Variants in PTN observed in about 807,000 individuals in gnomAD.
PTN encodes the protein heparin affin regulatory protein.
A neutral mutation model predicts 24.1 loss-of-function variants in PTN; 18 were observed. The observed-to-expected ratio is 0.75, with a 90% CI of 0.52 to 1.11. The LOEUF is 1.11. PTN is among the 50% of genes least tolerant of loss of function. PTN has a pLI of 0.00. For missense variants in PTN, 163 were observed against 198.8 expected (o/e 0.82, Z 1.08); for synonymous variants, 78 against 68.6 (o/e 1.14, Z -0.67).
At chr7:137,233,936 A>G (rs993665529) in intron 4 of PTN, among the ~76,000 whole-genome samples, 2 of 149,874 alleles carry the variant, frequency 1.3e-5, no homozygotes, top group African/African-American at 5.0e-5. Flanking sequence ...ATGTATACAT[A>G]TATATGTATA....
At chr7:137,239,565 A>G (rs974565013) in intron 4 of PTN, among the ~76,000 whole-genome samples, 2 of 150,320 alleles carry the variant, frequency 1.3e-5, no homozygotes, top group Non-Finnish European at 3.0e-5. Context: ...CCCACCCCAC[A>G]ACAGTCCCCA....
intron 1 of PTN, among the ~76,000 whole-genome samples, chr7:137,308,701 G>C (rs1809928908): frequency 6.6e-6 from 1 of 152,034 alleles, no homozygotes; most frequent in Non-Finnish European, 1.5e-5. Context: ...AGATGCTCCT[G>C]ATCCAGTCTT....
intron 1 of PTN, among the ~76,000 whole-genome samples, chr7:137,325,204 T>C (rs930497644): frequency 1.3e-5 from 2 of 152,226 alleles, no homozygotes; most frequent in African/African-American, 4.8e-5. Context: ...TCTTGTCTGA[T>C]CTCTGTCCCC....
intron 1 of PTN, among the ~76,000 whole-genome samples, chr7:137,271,748 G>T (rs556911338): frequency 6.6e-6 from 1 of 152,272 alleles, no homozygotes; most frequent in South Asian, 2.1e-4. Context: ...CGTGGTATAG[G>T]GGAGCAAATA....
intron 1 of PTN, among the ~76,000 whole-genome samples, chr7:137,268,410 C>T (rs2128873996): frequency 6.6e-6 from 1 of 152,084 alleles, no homozygotes; most frequent in Non-Finnish European, 1.5e-5. Flanking sequence ...TGGCTTTAAT[C>T]AGCTGGGAGC....
At chr7:137,296,021 G>A (rs1476532797) in intron 1 of PTN, among the ~76,000 whole-genome samples, 4 of 151,994 alleles carry the variant, frequency 2.6e-5, no homozygotes, top group Admixed American at 6.6e-5. Flanking sequence ...ATGATGCCAC[G>A]GAGAGACAGT....
intron 1 of PTN, chr7:137,324,633 A>C (rs1473041448): frequency 2.6e-5 from 4 of 151,588 alleles, no homozygotes; most frequent in Non-Finnish European, 5.9e-5. Flanking sequence ...AAATAACAAA[A>C]CGCCAACTTT....
At chr7:137,271,318 T>G (rs1374108309) in intron 1 of PTN, among the ~76,000 whole-genome samples, 1 of 152,246 alleles carries the variant, frequency 6.6e-6, no homozygotes, top group Non-Finnish European at 1.5e-5. Context: ...TCTTTTCCCA[T>G]GTGTTCTGAC....
At chr7:137,324,433 A>AAAAAAAAAAAAATATAT in intron 1 of PTN, among the ~76,000 whole-genome samples, 7 of 88,762 alleles carry the variant, frequency 7.9e-5, no homozygotes, top group African/African-American at 4.1e-4. Flanking sequence ...AAAAAAAAAA[A>AAAAAAAAAAAAATATAT]ATATATATAT....
chr7:137,322,420 T>G (rs746838219), intron 1 of PTN, among the ~76,000 whole-genome samples: 8 of 152,202 alleles, frequency 5.3e-5, no homozygotes, highest in Non-Finnish European at 1.0e-4. Context: ...GTGTTTATAT[T>G]TGAAACTTGA....
chr7:137,312,964 A>C (rs1810007999), intron 1 of PTN, among the ~76,000 whole-genome samples: 2 of 152,320 alleles, frequency 1.3e-5, no homozygotes, highest in South Asian at 2.1e-4. Flanking sequence ...GTGATATTTA[A>C]TATTTTATGT....
intron 1 of PTN, among the ~76,000 whole-genome samples, chr7:137,280,075 T>C (rs893040827): frequency 3.3e-5 from 5 of 152,222 alleles, no homozygotes; most frequent in Non-Finnish European, 5.9e-5. Flanking sequence ...TATGGGTTCA[T>C]AAACGGCTCC....
At position 137,278,945 on chromosome 7, in the gene PTN, C is replaced by CAACAAT. The variant is rs564080554; in HGVS notation, c.-1-23972_-1-23971insATTGTT. On this transcript the variant is annotated intron_variant, in intron 1 of 4. Coordinates refer to ENST00000348225, the MANE Select transcript of PTN (RefSeq NM_002825.7). ...GACAAAGTGAGACTCCATCTCAGAA[C>CAACAAT]AATAATAATAATAATAATAATAATA... Among the ~76,000 whole-genome samples the CAACAAT allele has an allele frequency of 1.3e-3, 169 of 134,286 alleles. 1 individual carries two copies. The East Asian group carries it at 0.029, about 23-fold the overall frequency. 88.1% of individuals were successfully genotyped at this position (134,286 alleles called of 152,430 possible). A position where few individuals can be genotyped will look rare whatever the true frequency, so the allele number is the denominator to read the frequency against.
intron 1 of PTN, among the ~76,000 whole-genome samples, chr7:137,261,740 G>A (rs569287654): frequency 6.6e-6 from 1 of 152,280 alleles, no homozygotes; most frequent in South Asian, 2.1e-4. Flanking sequence ...ATGGACAGCT[G>A]TGTAGAAGTA....
chr7:137,274,125 A>C (rs1300515738), intron 1 of PTN, among the ~76,000 whole-genome samples: 1 of 152,042 alleles, frequency 6.6e-6, no homozygotes, highest in Non-Finnish European at 1.5e-5. Flanking sequence ...TCCACAAGGA[A>C]GCACCAAGGG....
At chr7:137,236,940 T>C (rs1163870705) in intron 4 of PTN, among the ~76,000 whole-genome samples, 1 of 152,192 alleles carries the variant, frequency 6.6e-6, no homozygotes, top group Admixed American at 6.5e-5. Context: ...TGAACTCCAG[T>C]ATATTTAAAA....
At chr7:137,229,186 A>C (rs1391321802) in intron 4 of PTN, among the ~76,000 whole-genome samples, 1 of 151,884 alleles carries the variant, frequency 6.6e-6, no homozygotes, top group African/African-American at 2.4e-5. Context: ...TGCTCAATTA[A>C]GGTTAGCATT....
At chr7:137,332,697 A>AT (rs1208553418) in intron 1 of PTN, among the ~76,000 whole-genome samples, 2 of 151,892 alleles carry the variant, frequency 1.3e-5, no homozygotes, top group African/African-American at 2.4e-5. Context: ...AGAGAGGGCA[A>AT]TTTTTTTTGT....
chr7:137,233,498 T>A (rs1416994744), intron 4 of PTN, among the ~76,000 whole-genome samples: 1 of 151,986 alleles, frequency 6.6e-6, no homozygotes, highest in Non-Finnish European at 1.5e-5. Flanking sequence ...CGCTAGGGTA[T>A]AAAGGTGAAC....
Sources: gnomAD v4.1 joint callset for allele counts (sites outside exome capture counted in the v4.1 genomes callset) on GRCh38, gnomAD v4.1.1 for gene constraint, MANE v1.5 for transcripts, NCBI Gene and HGNC (gene_info 2026-07-23, HGNC 2026-07-21) for gene names.